The following CTNNA3 variants were observed in gnomAD, a reference collection of about 807,000 sequenced individuals.
The protein encoded by CTNNA3 is catenin alpha-3.
Under a neutral mutation model 95.7 loss-of-function variants are expected in CTNNA3, and 76 were observed. The ratio of observed to expected loss-of-function variants is 0.79; its 90% CI spans 0.66 to 0.96. The LOEUF is 0.96. CTNNA3 is among the 40% of genes least tolerant of loss of function. CTNNA3 has a pLI of 0.00. For synonymous variants in CTNNA3, 431 were observed against 374.4 expected (o/e 1.15, Z -1.74); for missense variants, 1,191 against 1,089.8 (o/e 1.09, Z -1.31).
chr10:66,766,878 C>T (rs891448052), intron 8 of CTNNA3, among the ~76,000 whole-genome samples: 2 of 152,160 alleles, frequency 1.3e-5, no homozygotes, highest in East Asian at 1.9e-4. Context: ...GTTAGATCAC[C>T]GATTATGCCA....
chr10:66,848,252 TAC>T (rs1843351653), intron 7 of CTNNA3, among the ~76,000 whole-genome samples: 1 of 152,196 alleles, frequency 6.6e-6, no homozygotes. Context: ...TTGAGATAGT[TAC>T]ACATAATTTA....
chr10:67,679,224 G>A (rs74142887), intron 1 of CTNNA3, among the ~76,000 whole-genome samples: 167 of 152,168 alleles, frequency 1.1e-3, no homozygotes, highest in African/African-American at 3.7e-3. Flanking sequence ...TATGGTTGGG[G>A]GCTTTCCTGT....
At chr10:67,389,559 C>G (rs1399754603) in intron 5 of CTNNA3, among the ~76,000 whole-genome samples, 1 of 151,554 alleles carries the variant, frequency 6.6e-6, no homozygotes, top group Non-Finnish European at 1.5e-5. Context: ...CCAAGCGGAC[C>G]TAATAGACAT....
intron 4 of CTNNA3, among the ~76,000 whole-genome samples, chr10:67,530,224 A>T (rs530068726): frequency 2.5e-4 from 38 of 152,332 alleles, no homozygotes; most frequent in Non-Finnish European, 3.5e-4. Context: ...GAAAATGTGG[A>T]AGCAATTTGG....
chr10:67,038,110 T>C (rs1195827837), intron 7 of CTNNA3, among the ~76,000 whole-genome samples: 1 of 152,162 alleles, frequency 6.6e-6, no homozygotes, highest in East Asian at 1.9e-4. Flanking sequence ...TAGTACTGTT[T>C]ATATGAGTAT....
At chr10:66,518,453 C>A (rs936986791) in intron 11 of CTNNA3, among the ~76,000 whole-genome samples, 2 of 152,078 alleles carry the variant, frequency 1.3e-5, no homozygotes, top group African/African-American at 4.8e-5. Flanking sequence ...ACAGAACCTA[C>A]TATTCAACAG....
At chr10:66,726,177 C>T (rs1341646298) in intron 9 of CTNNA3, among the ~76,000 whole-genome samples, 2 of 151,976 alleles carry the variant, frequency 1.3e-5, no homozygotes, top group Non-Finnish European at 2.9e-5. Flanking sequence ...TAGAAATACT[C>T]TCCTTTTAGT....
chr10:67,195,249 GA>G (rs1297357765), intron 6 of CTNNA3, among the ~76,000 whole-genome samples: 1 of 151,950 alleles, frequency 6.6e-6, no homozygotes, highest in Non-Finnish European at 1.5e-5. Context: ...TTTTACTAAT[GA>G]AATAAATATG....
intron 10 of CTNNA3, among the ~76,000 whole-genome samples, chr10:66,580,306 T>C (rs1260251608): frequency 6.6e-6 from 1 of 151,766 alleles, no homozygotes; most frequent in Non-Finnish European, 1.5e-5. Flanking sequence ...GGCTACATAA[T>C]TGTACATATT....
chr10:67,305,625 T>A (rs990119512), intron 5 of CTNNA3, among the ~76,000 whole-genome samples: 13 of 151,932 alleles, frequency 8.6e-5, no homozygotes, highest in Non-Finnish European at 1.6e-4. Context: ...AAAGCTAGAT[T>A]GGAGGGGCAA....
intron 7 of CTNNA3, among the ~76,000 whole-genome samples, chr10:67,067,595 A>G (rs1856171119): frequency 6.6e-6 from 1 of 152,254 alleles, no homozygotes; most frequent in African/African-American, 2.4e-5. Context: ...CCCCAAGCTT[A>G]TCTAATAAAA....
intron 7 of CTNNA3, among the ~76,000 whole-genome samples, chr10:66,996,649 C>CAAAAAAAAAAAAAAAAAAAAAAA (rs57025097): frequency 7.4e-5 from 5 of 67,644 alleles, no homozygotes; most frequent in Admixed American, 2.7e-4. Flanking sequence ...TCCGTCTCTA[C>CAAAAAAAAAAAAAAAAAAAAAAA]AAAAAAAAAA....
At chr10:66,399,581 T>C (rs542824671) in intron 11 of CTNNA3, among the ~76,000 whole-genome samples, 2 of 152,052 alleles carry the variant, frequency 1.3e-5, no homozygotes, top group African/African-American at 4.8e-5. Flanking sequence ...CTGGACTATT[T>C]TTCTCACACT....
intron 13 of CTNNA3, among the ~76,000 whole-genome samples, chr10:66,265,404 T>A (rs2091122699): frequency 1.3e-5 from 2 of 151,984 alleles, no homozygotes; most frequent in South Asian, 4.1e-4. Context: ...AAGAGGAAAC[T>A]TCTTAAAATG....
chr10:67,711,998 T>A (rs1043291023), intron 1 of CTNNA3, among the ~76,000 whole-genome samples: 1 of 152,062 alleles, frequency 6.6e-6, no homozygotes, highest in African/African-American at 2.4e-5. Context: ...GATCTAGAAC[T>A]GGAAATACCA....
intron 7 of CTNNA3, among the ~76,000 whole-genome samples, chr10:67,155,586 C>A (rs555162516): frequency 5.3e-5 from 8 of 151,336 alleles, no homozygotes; most frequent in Non-Finnish European, 1.2e-4. Flanking sequence ...CCAAATAATC[C>A]TATTATGTAC....
chr10:67,730,681 G>A (rs967873805), intron 1 of CTNNA3, among the ~76,000 whole-genome samples: 3 of 151,976 alleles, frequency 2.0e-5, no homozygotes, highest in African/African-American at 4.8e-5. Flanking sequence ...GGAAGAGAGA[G>A]AGGGAGAAAG....
intron 7 of CTNNA3, among the ~76,000 whole-genome samples, chr10:67,100,927 GA>G (rs1858300478): frequency 6.6e-6 from 1 of 151,562 alleles, no homozygotes; most frequent in South Asian, 2.1e-4. Flanking sequence ...CAGAGCAAGA[GA>G]ACTTCCAGAG....
At chr10:67,517,311 A>G (rs1427351619) in intron 5 of CTNNA3, among the ~76,000 whole-genome samples, 1 of 152,188 alleles carries the variant, frequency 6.6e-6, no homozygotes, top group Non-Finnish European at 1.5e-5. Flanking sequence ...AAAAGATAAG[A>G]GATAACAAGT....
Sources: gnomAD v4.1 joint callset for allele counts (sites outside exome capture counted in the v4.1 genomes callset) on GRCh38, gnomAD v4.1.1 for gene constraint, MANE v1.5 for transcripts, NCBI Gene and HGNC (gene_info 2026-07-23, HGNC 2026-07-21) for gene names.